The following AIG1 variants were observed in gnomAD, a reference collection of about 807,000 sequenced individuals.
AIG1 encodes the protein androgen induced 1.
In AIG1, 23 loss-of-function variants were observed where a neutral mutation model predicts 31.4. The ratio of observed to expected loss-of-function variants is 0.73; its 90% confidence interval spans 0.53 to 1.04. The LOEUF is 1.04. AIG1 is among the 50% of genes least tolerant of loss of function. AIG1 has a pLI of 0.00. For synonymous variants in AIG1, 100 were observed against 110.5 expected, an observed-to-expected ratio of 0.90 and a Z score of 0.60; for missense variants, 274 against 295.0, an observed-to-expected ratio of 0.93 and a Z score of 0.52.
chr6:143,234,916 A>G (rs1445122005), intron 3 of AIG1, among the ~76,000 whole-genome samples: 1 of 152,184 alleles, frequency 6.6e-6, no homozygotes, highest in African/African-American at 2.4e-5. Flanking sequence ...ATGAACTCCA[A>G]TCAGATTGTC....
chr6:143,249,291 G>A (rs559697661), intron 3 of AIG1, among the ~76,000 whole-genome samples: 4 of 152,260 alleles, frequency 2.6e-5, no homozygotes, highest in East Asian at 1.9e-4. Context: ...ACATAGTGAC[G>A]GAATGATCAG....
chr6:143,165,994 G>T (rs1786900647), intron 3 of AIG1, among the ~76,000 whole-genome samples: 1 of 152,124 alleles, frequency 6.6e-6, no homozygotes, highest in Non-Finnish European at 1.5e-5. Flanking sequence ...GGGTGTTCCT[G>T]GTGAAAAGGG....
chr6:143,161,549 A>G (rs1306665662), intron 2 of AIG1, among the ~76,000 whole-genome samples: 1 of 150,138 alleles, frequency 6.7e-6, no homozygotes, highest in Non-Finnish European at 1.5e-5. Context: ...ATGTGTGTAT[A>G]TATATGTGTG....
rs1333725147 is a variant in AIG1 at position 143,241,968 on chromosome 6, G to A, written c.400-42142G>A. On this transcript the variant is annotated intron_variant, in intron 3 of 5. Transcript: ENST00000357847. ...TTGGGTCCCATCGCCAAGATATTAG[G>A]TGTATGTAAATATTCCAAAATTCAA... 2.0e-5 allele frequency among the ~76,000 whole-genome samples: 3 copies of A among 152,136 alleles called. No homozygotes were observed. The East Asian group carries it at 5.8e-4, about 29-fold the overall frequency.
chr6:143,200,655 C>A (rs1255009638), intron 3 of AIG1, among the ~76,000 whole-genome samples: 1 of 152,164 alleles, frequency 6.6e-6, no homozygotes, highest in Non-Finnish European at 1.5e-5. Context: ...CTCCTCAGTT[C>A]CCTTGACTCT....
rs1796327160 is a variant in AIG1, at chr6:143,268,949, G to C, written c.400-15161G>C. 6.6e-6 allele frequency among the ~76,000 whole-genome samples: 1 copy of C among 152,174 alleles called. No homozygotes were observed. The highest frequency in any genetic ancestry group is 1.5e-5 in the Non-Finnish European group (1 of 68,034). Reference sequence around the variant, plus strand: ...TGTGGCAGCCCTCATCCCATAACTGGTCCATGCTGGGGTATAAAGACCTGA... The same window carrying C: ...TGTGGCAGCCCTCATCCCATAACTGCTCCATGCTGGGGTATAAAGACCTGA... On this transcript the variant is annotated intron_variant, in intron 3 of 5. Coordinates refer to ENST00000357847, the MANE Select transcript of AIG1 (RefSeq NM_016108.4). The surrounding 1 kb of genome is among the most constrained non-coding windows in gnomAD (Gnocchi z 5.0).
At chr6:143,285,836 A>T (rs756889592) in intron 4 of AIG1, among the ~76,000 whole-genome samples, 4 of 152,056 alleles carry the variant, frequency 2.6e-5, no homozygotes, top group Non-Finnish European at 4.4e-5. Flanking sequence ...CTGCAATATG[A>T]CTAAAGTTGT....
chr6:143,122,266 G>A (rs1782304370), intron 1 of AIG1, among the ~76,000 whole-genome samples: 1 of 152,140 alleles, frequency 6.6e-6, no homozygotes, highest in African/African-American at 2.4e-5. Context: ...TACTACAAAA[G>A]TGATGAGACT....
At chr6:143,161,124 A>G (rs1786335791) in intron 2 of AIG1, among the ~76,000 whole-genome samples, 1 of 152,186 alleles carries the variant, frequency 6.6e-6, no homozygotes, top group African/African-American at 2.4e-5. Flanking sequence ...ACAATTTTAT[A>G]AATTCAAAAA....
At chr6:143,145,679 G>C (rs1562424550) in intron 2 of AIG1, among the ~76,000 whole-genome samples, 1 of 152,054 alleles carries the variant, frequency 6.6e-6, no homozygotes, top group Non-Finnish European at 1.5e-5. Flanking sequence ...AACTAATTAT[G>C]GTTTATCCTT....
intron 3 of AIG1, among the ~76,000 whole-genome samples, chr6:143,180,044 G>A (rs112489032): frequency 7.1e-4 from 108 of 152,290 alleles, no homozygotes; most frequent in African/African-American, 2.5e-3. Flanking sequence ...TCCTTCCACC[G>A]TCTTTCTGTC....
At chr6:143,332,403 C>T (rs145217425) in intron 4 of AIG1, among the ~76,000 whole-genome samples, 1 of 152,210 alleles carries the variant, frequency 6.6e-6, no homozygotes, top group African/African-American at 2.4e-5. Flanking sequence ...GATATTCTAA[C>T]TAAACTTTTG....
intron 4 of AIG1, among the ~76,000 whole-genome samples, chr6:143,320,669 TGGTTA>T (rs1214499594): frequency 6.6e-5 from 10 of 151,996 alleles, no homozygotes; most frequent in Non-Finnish European, 1.0e-4. Context: ...AGTAGAATGG[TGGTTA>T]CCTGGGGCTG....
At chr6:143,129,898 T>A (rs1173240742) in intron 1 of AIG1, among the ~76,000 whole-genome samples, 1 of 152,086 alleles carries the variant, frequency 6.6e-6, no homozygotes, top group Non-Finnish European at 1.5e-5. Context: ...GAAATGTTCC[T>A]CTATTTTTGG....
intron 1 of AIG1, among the ~76,000 whole-genome samples, chr6:143,074,837 T>C (rs1777594209): frequency 6.6e-6 from 1 of 152,206 alleles, no homozygotes; most frequent in Non-Finnish European, 1.5e-5. Flanking sequence ...TTTTCTTTTA[T>C]TGTTTTTGGC....
chr6:143,190,494 CT>C, intron 3 of AIG1: 2 of 985,242 alleles, frequency 2.0e-6, no homozygotes, highest in Non-Finnish European at 2.4e-6. Context: ...AATATCTTCA[CT>C]TTTAAGTTAT....
At position 143,229,559 on chromosome 6, in the gene AIG1, C is replaced by A. The variant is rs375705868; in HGVS notation, c.400-54551C>A. ...GTAGACCATCATTAATGCTACCACA[C>A]CCTCATTTACCAGGAGACTGCTATG... is the stretch of plus-strand genomic sequence containing the variant. On this transcript the variant is annotated intron_variant, in intron 3 of 5. Transcript: ENST00000357847. 3.9e-5 allele frequency among the ~76,000 whole-genome samples: 6 copies of A among 152,252 alleles called. No individual in the cohort carries two copies. In the East Asian group the frequency reaches 5.8e-4, roughly 15 times the overall value.
At chr6:143,308,955 A>G (rs1036958522) in intron 4 of AIG1, among the ~76,000 whole-genome samples, 2 of 152,076 alleles carry the variant, frequency 1.3e-5, no homozygotes, top group South Asian at 2.1e-4. Context: ...TTTAAAAAAT[A>G]TATTTAAAAG....
rs970464993 is a variant in AIG1 at position 143,280,853 on chromosome 6, G to A, written c.400-3257G>A. 2.0e-5 allele frequency among the ~76,000 whole-genome samples: 3 copies of A among 152,040 alleles called. No homozygotes were observed. Among genetic ancestry groups the A allele is most frequent in the African/African-American group, 2.4e-5 (1 of 41,394 alleles). ...GTTTACCTATGTAACAAACCTTCAC[G>A]TGTATCCCCAAATCTAAAATAAAAG... On this transcript the variant is annotated intron_variant, in intron 3 of 5. Transcript: ENST00000357847. The surrounding 1 kb of genome is among the most constrained non-coding windows in gnomAD (Gnocchi z 4.1).
Sources: gnomAD v4.1 joint callset for allele counts (sites outside exome capture counted in the v4.1 genomes callset) on GRCh38, gnomAD v4.1.1 for gene constraint, Gnocchi (gnomAD v3.1) non-coding constraint, MANE v1.5 for transcripts, NCBI Gene and HGNC (gene_info 2026-07-23, HGNC 2026-07-21) for gene names.